Variants in LGSN observed in about 807,000 individuals in gnomAD.
LGSN encodes the protein lengsin.
Under a neutral mutation model 19.5 loss-of-function variants are expected in LGSN, and 21 were observed. The ratio of observed to expected loss-of-function variants is 1.07; its 90% CI spans 0.76 to 1.55. The LOEUF (loss-of-function observed/expected upper bound fraction) is 1.55. Among genes scored for constraint, LGSN ranks in the 40% most tolerant of loss-of-function variants. The pLI is 0.00. For synonymous variants in LGSN, 257 were observed against 215.6 expected (o/e 1.19, Z -1.68); for missense variants, 673 against 608.5 (o/e 1.11, Z -1.12).
the LGSN span, among the ~76,000 whole-genome samples, chr6:63,427,063 C>CT: frequency 1.4e-5 from 2 of 138,314 alleles, no homozygotes; most frequent in Non-Finnish European, 1.6e-5. Flanking sequence ...TTTTTTTTCT[C>CT]CTGAGACAGA....
chr6:63,423,473 C>CAAAA, the LGSN span, among the ~76,000 whole-genome samples: 1 of 126,740 alleles, frequency 7.9e-6, no homozygotes, highest in Non-Finnish European at 1.7e-5. Context: ...CTGTCTCTAC[C>CAAAA]AAAAAAAAAA....
the LGSN span, among the ~76,000 whole-genome samples, chr6:63,539,484 T>C: frequency 6.6e-6 from 1 of 151,906 alleles, no homozygotes; most frequent in African/African-American, 2.4e-5. Flanking sequence ...TAAAAGAAAA[T>C]AGGCAAAGGA....
At chr6:63,501,734 G>A in the LGSN span, among the ~76,000 whole-genome samples, 1 of 152,080 alleles carries the variant, frequency 6.6e-6, no homozygotes, top group Middle Eastern at 3.2e-3. Context: ...TGCTGTTCTT[G>A]GATCTTTTAA....
At chr6:63,341,690 T>C in the LGSN span, among the ~76,000 whole-genome samples, 1 of 152,160 alleles carries the variant, frequency 6.6e-6, no homozygotes, top group Non-Finnish European at 1.5e-5. Context: ...TTGCAAACCC[T>C]AAATTGACAT....
the LGSN span, among the ~76,000 whole-genome samples, chr6:63,460,990 A>G: frequency 9.8e-5 from 15 of 152,322 alleles, no homozygotes; most frequent in East Asian, 2.9e-3. Context: ...AGCGTCCCTC[A>G]GGAGGGCTTC....
chr6:63,370,953 C>CTT, the LGSN span, among the ~76,000 whole-genome samples: 1 of 152,148 alleles, frequency 6.6e-6, no homozygotes, highest in African/African-American at 2.4e-5. Context: ...GCTGGCCCTG[C>CTT]TTGTGAAACG....
chr6:63,401,399 CAA>C, the LGSN span, among the ~76,000 whole-genome samples: 14 of 98,504 alleles, frequency 1.4e-4, no homozygotes, highest in African/African-American at 1.1e-4. Context: ...AAATCTGTCT[CAA>C]AAAAAAAAAA....
At chr6:63,444,461 T>G in the LGSN span, among the ~76,000 whole-genome samples, 7 of 152,232 alleles carry the variant, frequency 4.6e-5, no homozygotes, top group Non-Finnish European at 1.0e-4. Flanking sequence ...TAATTTCTGT[T>G]GGGCTCTTTA....
At chr6:63,516,281 C>T in the LGSN span, among the ~76,000 whole-genome samples, 1 of 152,202 alleles carries the variant, frequency 6.6e-6, no homozygotes, top group Admixed American at 6.5e-5. Flanking sequence ...GGCTTCATTG[C>T]ACAAGTTGAT....
At chr6:63,411,405 A>G in the LGSN span, among the ~76,000 whole-genome samples, 1 of 152,234 alleles carries the variant, frequency 6.6e-6, no homozygotes, top group South Asian at 2.1e-4. Context: ...TCTTCTTTCT[A>G]CATGCCATAT....
the LGSN span, among the ~76,000 whole-genome samples, chr6:63,363,073 C>T: frequency 6.6e-6 from 1 of 152,218 alleles, no homozygotes; most frequent in African/African-American, 2.4e-5. Flanking sequence ...TAGTGATACC[C>T]AGGCAAACAG....
intron 2 of LGSN, among the ~76,000 whole-genome samples, chr6:63,291,861 A>T (rs1422574782): frequency 6.6e-6 from 1 of 152,216 alleles, no homozygotes; most frequent in Non-Finnish European, 1.5e-5. Context: ...TGCAAATGTA[A>T]TTAAGGTTAT....
the LGSN span, among the ~76,000 whole-genome samples, chr6:63,555,761 C>T: frequency 6.6e-6 from 1 of 150,990 alleles, no homozygotes; most frequent in Non-Finnish European, 1.5e-5. Context: ...TGGCGTGATC[C>T]CGGCTCACTG....
At chr6:63,490,967 C>CT in the LGSN span, among the ~76,000 whole-genome samples, 689 of 147,548 alleles carry the variant, frequency 4.7e-3, 5 homozygotes, top group African/African-American at 0.015. Flanking sequence ...CTTCCTCAAC[C>CT]TTTTTTTTTT....
At chr6:63,419,598 T>C in the LGSN span, among the ~76,000 whole-genome samples, 6 of 152,030 alleles carry the variant, frequency 3.9e-5, no homozygotes, top group African/African-American at 1.2e-4. Context: ...AAGTACTTGA[T>C]ACTTTTTCGG....
At chr6:63,420,444 C>G in the LGSN span, among the ~76,000 whole-genome samples, 1 of 152,182 alleles carries the variant, frequency 6.6e-6, no homozygotes, top group Admixed American at 6.5e-5. Context: ...TGATTAAAGG[C>G]TTGACTGTTA....
the LGSN span, among the ~76,000 whole-genome samples, chr6:63,501,093 T>A: frequency 5.3e-5 from 8 of 151,764 alleles, no homozygotes; most frequent in Non-Finnish European, 1.2e-4. Context: ...AGAGGAAGAC[T>A]GGGCCTGGTG....
At chr6:63,293,819 C>T in intron 2 of LGSN, 1 of 455,048 alleles carries the variant, frequency 2.2e-6, no homozygotes, top group South Asian at 1.6e-5. Context: ...TGCTTGTGTT[C>T]CCTAATTTGT....
chr6:63,526,466 A>G, the LGSN span, among the ~76,000 whole-genome samples: 1 of 151,798 alleles, frequency 6.6e-6, no homozygotes, highest in African/African-American at 2.4e-5. Context: ...TTCAACAGAG[A>G]GGAAGACCAC....
Sources: gnomAD v4.1 joint callset for allele counts (sites outside exome capture counted in the v4.1 genomes callset) on GRCh38, gnomAD v4.1.1 for gene constraint, MANE v1.5 for transcripts, NCBI Gene and HGNC (gene_info 2026-07-23, HGNC 2026-07-21) for gene names.